VPS18: variants seen among roughly 807,000 people sequenced by gnomAD.
The protein encoded by VPS18 is vacuolar protein sorting-associated protein 18 homolog.
A neutral mutation model predicts 82.0 loss-of-function variants in VPS18; 25 were observed. That is an observed-to-expected ratio of 0.30 (90% CI 0.22 to 0.43). VPS18 has a LOEUF of 0.43. Among genes scored for constraint, VPS18 ranks in the 20% least tolerant of loss-of-function variants. The pLI, the probability that VPS18 is intolerant of heterozygous loss-of-function variation, is 1.00. For synonymous variants in VPS18, 523 were observed against 543.0 expected (o/e 0.96, Z 0.51); for missense variants, 1,168 against 1,311.1 (o/e 0.89, Z 1.69).
intron 1 of VPS18, 134 bp downstream of exon 1, chr15:40,894,993 T>C: frequency 1.1e-6 from 1 of 870,872 alleles, no homozygotes; most frequent in Non-Finnish European, 1.7e-6. Context: ...CTGATTCTCC[T>C]CAGGCTCTCT....
In VPS18 at chr15:40,894,763, G is replaced by A; in HGVS notation, c.-6G>A. 6.5e-7 allele frequency: 1 copy of A among 1,546,770 alleles called. No individual in the cohort carries two copies. The highest frequency in any genetic ancestry group is 8.7e-7 in the Non-Finnish European group (1 of 1,144,676). On this transcript the variant is annotated 5_prime_UTR_variant, in exon 1 of 5. Coordinates refer to ENST00000220509, the MANE Select transcript of VPS18 (RefSeq NM_020857.3). ...CCCCGGACAAAGAGCCCAGAGGCCG[G>A]GCACCATGGCGTCCATCCTGGATGA...
Position 40,900,102 on chromosome 15 carries a change from G to C in VPS18, c.1284G>C (p.Arg428=). The C allele has an allele frequency of 6.2e-7, 1 of 1,613,872 alleles. No individual in the cohort carries two copies. Among genetic ancestry groups the C allele is most frequent in the Non-Finnish European group, 8.5e-7 (1 of 1,180,034 alleles). Residue 428 remains arginine (R), a synonymous_variant, in exon 4 of 5, where the codon CGG becomes CGC. Coordinates refer to ENST00000220509, the MANE Select transcript of VPS18 (RefSeq NM_020857.3). This position sits in a 1 kb window ranked among gnomAD's most constrained non-coding sequence, Gnocchi z 5.4. ...RPDCLDTVLA[R]EADFCFRQRR... ...ACTGCCTGGACACGGTCCTGGCCCG[G>C]GAGGCCGATTTCTGCTTTCGCCAGC...
In VPS18 at chr15:40,902,113, TTTC is replaced by T. The variant is rs1170369009; in HGVS notation, c.2197-500_2197-498del. Among the ~76,000 whole-genome samples, 1 of 139,242 alleles carries T rather than the reference TTTC, an allele frequency of 7.2e-6. No individual in the cohort carries two copies. Among genetic ancestry groups the T allele is most frequent in the African/African-American group, 2.9e-5 (1 of 34,776 alleles). The allele number at this position is 139,242 out of a possible 152,430, so 91.3% of individuals were successfully genotyped here. ...GGTGATTTCTTTCTTTCTTTCTTTC[TTTC>T]TTTTTTTTTTTTTTGAGACGGAGTC... On this transcript the variant is annotated intron_variant, in intron 4 of 4. Coordinates refer to ENST00000220509, the MANE Select transcript of VPS18 (RefSeq NM_020857.3). The surrounding 1 kb of genome is among the most constrained non-coding windows in gnomAD (Gnocchi z 4.2).
intron 2 of VPS18, among the ~76,000 whole-genome samples, chr15:40,898,020 G>A (rs1038593856): frequency 6.6e-6 from 1 of 152,172 alleles, no homozygotes; most frequent in African/African-American, 2.4e-5. Context: ...AGGCTGGAGT[G>A]CAGTGCCTCG....
At position 40,902,979 on chromosome 15, in the gene VPS18, G is replaced by A. The variant is rs1892387423; in HGVS notation, c.2560G>A (p.Ala854Thr). 1 of 1,614,162 alleles carries A rather than the reference G, an allele frequency of 6.2e-7. No homozygotes were observed. The highest frequency in any genetic ancestry group is 1.3e-5 in the African/African-American group (1 of 74,956). The change falls in exon 5 of 5, where the codon GCC becomes ACC. Residue 854 changes from alanine to threonine, a missense_variant. Physicochemically the swap from Ala to Thr is moderately conservative, Grantham distance 58. Around this residue, in one of 3 missense-constraint regions of VPS18, gnomAD observed 296 missense variants for 354.0 expected, o/e 0.84. Transcript: ENST00000220509. The surrounding 1 kb of genome is among the most constrained non-coding windows in gnomAD (Gnocchi z 4.2). Reference protein sequence around the residue: ...YGTVEPQDKCATCDFPLLNRP... With the variant: ...YGTVEPQDKCTTCDFPLLNRP... ...CACTGTGGAGCCCCAGGACAAATGT[G>A]CCACCTGCGACTTCCCCCTGCTCAA...
chr15:40,903,352 C>T lies in VPS18; in HGVS notation c.*11C>T, dbSNP rs1327928765. On this transcript the variant is annotated 3_prime_UTR_variant, in exon 5 of 5. Coordinates refer to ENST00000220509, the MANE Select transcript of VPS18 (RefSeq NM_020857.3). ...CTCAGTTGGCTGTAGGAGGGTGTCACCTTTGATGGGGGGTGGGCAATGGGG... is the reference window on the plus strand; with the variant it reads ...CTCAGTTGGCTGTAGGAGGGTGTCATCTTTGATGGGGGGTGGGCAATGGGG... 7.9e-6 allele frequency: 12 copies of T among 1,523,038 alleles called. No individual in the cohort carries two copies. The highest frequency in any genetic ancestry group is 1.1e-5 in the Non-Finnish European group (12 of 1,135,794). 94.3% of individuals were successfully genotyped at this position (1,523,038 alleles called of 1,614,324 possible).
intron 4 of VPS18, 48 bp downstream of exon 4, chr15:40,901,062 A>C: frequency 6.4e-7 from 1 of 1,566,016 alleles, no homozygotes; most frequent in African/African-American, 1.3e-5. Flanking sequence ...CCCAAAGAGC[A>C]GTAGCTTTAG....
chr15:40,902,887 T>C lies in VPS18; in HGVS notation c.2468T>C (p.Met823Thr), dbSNP rs1467538405. The C allele has an allele frequency of 1.2e-5, 20 of 1,614,094 alleles. No individual in the cohort carries two copies. Among genetic ancestry groups the C allele is most frequent in the Non-Finnish European group, 1.6e-5 (19 of 1,180,052 alleles). The change falls in exon 5 of 5, where the codon ATG becomes ACG. Residue 823 changes from methionine to threonine, a missense_variant. By Grantham distance (81) the Met-to-Thr change is moderately conservative. Coordinates refer to ENST00000220509, the MANE Select transcript of VPS18 (RefSeq NM_020857.3). The surrounding 1 kb of genome is among the most constrained non-coding windows in gnomAD (Gnocchi z 4.2). ...NHHIQELQREMEEATASAQRI... is the reference protein window; with the variant it reads ...NHHIQELQRETEEATASAQRI... ...CACATCCAGGAGCTGCAGCGGGAGA[T>C]GGAAGAGGCTACAGCCAGTGCCCAG...
intron 2 of VPS18, among the ~76,000 whole-genome samples, chr15:40,898,233 CG>C (rs1892266157): frequency 6.6e-6 from 1 of 151,588 alleles, no homozygotes; most frequent in Non-Finnish European, 1.5e-5. Context: ...GGATTACAGG[CG>C]TGAGCCACCG....
At chr15:40,898,080 C>T (rs1172365600) in intron 2 of VPS18, among the ~76,000 whole-genome samples, 1 of 152,304 alleles carries the variant, frequency 6.6e-6, no homozygotes, top group Non-Finnish European at 1.5e-5. Flanking sequence ...CATTCTCCTG[C>T]CTCAGCCTCC....
At chr15:40,896,427 C>T (rs1369579191) in intron 2 of VPS18, among the ~76,000 whole-genome samples, 4 of 151,732 alleles carry the variant, frequency 2.6e-5, no homozygotes, top group African/African-American at 9.7e-5. Context: ...GTCCCAACTA[C>T]TGGGGAGGCC....
Position 40,899,417 on chromosome 15 carries a change from G to T in VPS18, c.599G>T (p.Gly200Val). 1.2e-6 allele frequency: 2 copies of T among 1,603,714 alleles called. No homozygotes were observed. Among genetic ancestry groups the T allele is most frequent in the Non-Finnish European group, 1.7e-6 (2 of 1,172,370 alleles). ...FRPLYVLNEEGGPAPVCSLEA... is the reference protein window; with the variant it reads ...FRPLYVLNEEVGPAPVCSLEA... ...CCATTGTACGTGCTAAATGAAGAAG[G>T]GGGTCCAGCACCTGTGTGCTCCCTT... The change falls in exon 4 of 5, where the codon GGG becomes GTG. Residue 200 changes from glycine to valine, a missense_variant. Gly to Val is a moderately radical substitution (Grantham distance 109, BLOSUM62 -3). Around this residue, in one of 3 missense-constraint regions of VPS18, gnomAD observed 868 missense variants for 939.8 expected, o/e 0.92. Transcript: ENST00000220509. This position sits in a 1 kb window ranked among gnomAD's most constrained non-coding sequence, Gnocchi z 4.4.
intron 2 of VPS18, among the ~76,000 whole-genome samples, chr15:40,897,757 CT>C (rs1332056079): frequency 2.0e-5 from 3 of 152,136 alleles, no homozygotes; most frequent in Non-Finnish European, 4.4e-5. Flanking sequence ...ATGAGCTACT[CT>C]TTGTTGTTCC....
Position 40,894,660 on chromosome 15 carries a change from GTCAGAGGCTGGGGAGTTACAGCT to G in VPS18, c.-106_-84del. 9.4e-7 allele frequency: 1 copy of G among 1,068,928 alleles called. No individual in the cohort carries two copies. The allele number at this position is 1,068,928 out of a possible 1,614,324, so 66.2% of individuals were successfully genotyped here. A position where few individuals can be genotyped will look rare whatever the true frequency, so the allele number is the denominator to read the frequency against. ...CGACGGCTGCAGGTTCCCAGGATCT[GTCAGAGGCTGGGGAGTTACAGCT>G]TCCATTCTGGGGCGACGGGGACCCC... On this transcript the variant is annotated 5_prime_UTR_variant, in exon 1 of 5. Coordinates refer to ENST00000220509, the MANE Select transcript of VPS18 (RefSeq NM_020857.3).
intron 4 of VPS18, among the ~76,000 whole-genome samples, chr15:40,901,613 A>G (rs1892360012): frequency 6.7e-6 from 1 of 150,024 alleles, no homozygotes; most frequent in African/African-American, 2.5e-5. Context: ...AAAGAAAAGA[A>G]AAATACTCGG....
At chr15:40,901,581 C>T (rs1252431763) in intron 4 of VPS18, among the ~76,000 whole-genome samples, 3 of 142,884 alleles carry the variant, frequency 2.1e-5, no homozygotes, top group Admixed American at 7.2e-5. Context: ...AGCAAGACTC[C>T]GTCTCAAAAA....
Position 40,903,353 on chromosome 15 carries a change from C to G in VPS18, c.*12C>G. 6.6e-7 allele frequency: 1 copy of G among 1,522,652 alleles called. No individual in the cohort carries two copies. Among genetic ancestry groups the G allele is most frequent in the South Asian group, 1.3e-5 (1 of 76,648 alleles). 94.3% of individuals were successfully genotyped at this position (1,522,652 alleles called of 1,614,324 possible). On this transcript the variant is annotated 3_prime_UTR_variant, in exon 5 of 5. Transcript: ENST00000220509. ...TCAGTTGGCTGTAGGAGGGTGTCAC[C>G]TTTGATGGGGGGTGGGCAATGGGGA...
intron 2 of VPS18, 162 bp from the exon 3 acceptor site, chr15:40,898,745 T>A (rs1787438118): frequency 2.6e-6 from 2 of 776,444 alleles, no homozygotes; most frequent in Admixed American, 2.1e-5. Context: ...AGTGCTGGGA[T>A]TACAGGCTGA....
At position 40,902,404 on chromosome 15, in the gene VPS18, C is replaced by T. The variant is rs910164190; in HGVS notation, c.2197-212C>T. 8.5e-5 allele frequency among the ~76,000 whole-genome samples: 13 copies of T among 152,212 alleles called. No individual in the cohort carries two copies. The highest frequency in any genetic ancestry group is 7.7e-4 in the East Asian group (4 of 5,190). ...CTGGGATTATAGGCCTGAGCCACTG[C>T]GCCCAGCCTCCCCGGTGATTTCTAA... On this transcript the variant is annotated intron_variant, in intron 4 of 4. Transcript: ENST00000220509. This position sits in a 1 kb window ranked among gnomAD's most constrained non-coding sequence, Gnocchi z 4.2.
Sources: gnomAD v4.1 joint callset for allele counts (sites outside exome capture counted in the v4.1 genomes callset) on GRCh38, gnomAD v4.1.1 for gene constraint, gnomAD v4.1.1 regional missense constraint, Gnocchi (gnomAD v3.1) non-coding constraint, MANE v1.5 for transcripts, NCBI Gene and HGNC (gene_info 2026-07-23, HGNC 2026-07-21) for gene names.